Variants in EDIL3 observed in about 807,000 individuals in gnomAD.
The protein encoded by EDIL3 is EGF-like repeat and discoidin I-like domain-containing protein 3.
In EDIL3, 37 loss-of-function variants were observed where a neutral mutation model predicts 67.4. The ratio of observed to expected loss-of-function variants is 0.55; its 90% CI spans 0.42 to 0.72. The LOEUF (loss-of-function observed/expected upper bound fraction) is 0.72. Among genes scored for constraint, EDIL3 ranks in the 30% least tolerant of loss-of-function variants. The probability of loss-of-function intolerance (pLI) is 0.00; values close to 1 mark genes in which losing one functional copy is unlikely to be tolerated. For synonymous variants in EDIL3, 195 were observed against 196.3 expected (o/e 0.99, Z 0.05); for missense variants, 527 against 586.3 (o/e 0.90, Z 1.04).
intron 1 of EDIL3, among the ~76,000 whole-genome samples, chr5:84,353,747 T>C (rs1488762023): frequency 1.3e-5 from 2 of 152,210 alleles, no homozygotes; most frequent in Non-Finnish European, 2.9e-5. Context: ...AACAGTATTA[T>C]AGATGTTCAT....
chr5:84,116,283 A>G (rs892739514), intron 5 of EDIL3, among the ~76,000 whole-genome samples: 1 of 152,040 alleles, frequency 6.6e-6, no homozygotes, highest in Admixed American at 6.6e-5. Flanking sequence ...ATACTAGCAC[A>G]CTTCGAAAAG....
intron 9 of EDIL3, among the ~76,000 whole-genome samples, chr5:84,058,576 A>G (rs1746489375): frequency 6.6e-6 from 1 of 152,178 alleles, no homozygotes; most frequent in Non-Finnish European, 1.5e-5. Flanking sequence ...TACTTGCTAA[A>G]TCAGTTAATG....
At chr5:84,350,109 C>T (rs748356204) in intron 1 of EDIL3, among the ~76,000 whole-genome samples, 13 of 151,976 alleles carry the variant, frequency 8.6e-5, no homozygotes, top group Non-Finnish European at 1.8e-4. Context: ...GTTCTCTTAC[C>T]CACTGTAGTA....
chr5:84,361,525 C>A (rs1194760442), intron 1 of EDIL3, among the ~76,000 whole-genome samples: 2 of 151,788 alleles, frequency 1.3e-5, no homozygotes, highest in Non-Finnish European at 2.9e-5. Context: ...TAACTATTGC[C>A]CATTCTTTAA....
intron 2 of EDIL3, 89 bp from the exon 3 acceptor site, chr5:84,229,973 A>C: frequency 1.7e-6 from 2 of 1,209,416 alleles, no homozygotes; most frequent in Non-Finnish European, 2.4e-6. Context: ...AAAAAGAGAT[A>C]TTGAGATTGA....
At chr5:84,348,341 G>A (rs1747276068) in intron 1 of EDIL3, among the ~76,000 whole-genome samples, 1 of 152,062 alleles carries the variant, frequency 6.6e-6, no homozygotes, top group African/African-American at 2.4e-5. Flanking sequence ...TATGGGAGCT[G>A]GGCATTAGCC....
At chr5:83,967,011 G>A (rs1312894130) in intron 9 of EDIL3, among the ~76,000 whole-genome samples, 1 of 152,072 alleles carries the variant, frequency 6.6e-6, no homozygotes, top group African/African-American at 2.4e-5. Flanking sequence ...CCATTTATGA[G>A]TGAAATGGTT....
At chr5:83,949,228 A>G (rs1744364784) in intron 10 of EDIL3, among the ~76,000 whole-genome samples, 1 of 151,722 alleles carries the variant, frequency 6.6e-6, no homozygotes. Flanking sequence ...GAGCTACCAC[A>G]GTGTCTTCCA....
At chr5:84,193,200 G>C (rs1419385510) in intron 3 of EDIL3, among the ~76,000 whole-genome samples, 1 of 151,962 alleles carries the variant, frequency 6.6e-6, no homozygotes, top group Non-Finnish European at 1.5e-5. Context: ...ACTTTGAAAG[G>C]ATCTATTTTC....
chr5:84,083,429 G>C (rs1239389440), intron 6 of EDIL3, among the ~76,000 whole-genome samples: 1 of 152,084 alleles, frequency 6.6e-6, no homozygotes. Flanking sequence ...AAAATTTCCT[G>C]TCTTGACCCC....
intron 1 of EDIL3, among the ~76,000 whole-genome samples, chr5:84,270,292 G>A (rs1745441708): frequency 6.6e-6 from 1 of 152,242 alleles, no homozygotes; most frequent in East Asian, 1.9e-4. Context: ...ATCATGATGG[G>A]CCATGAATGT....
intron 10 of EDIL3, among the ~76,000 whole-genome samples, chr5:83,952,789 A>G (rs1744444198): frequency 6.6e-6 from 1 of 151,806 alleles, no homozygotes; most frequent in African/African-American, 2.4e-5. Flanking sequence ...CAGTAGAGAA[A>G]TTGGTGTATT....
chr5:84,339,822 T>C (rs931387317), intron 1 of EDIL3, among the ~76,000 whole-genome samples: 1 of 151,934 alleles, frequency 6.6e-6, no homozygotes, highest in Non-Finnish European at 1.5e-5. Context: ...AGAAAAGAAA[T>C]GAGGGGCAGG....
chr5:84,291,717 T>TATATATCTATATAGATCTATCTATATAG (rs1554040536), intron 1 of EDIL3, among the ~76,000 whole-genome samples: 378 of 126,766 alleles, frequency 3.0e-3, no homozygotes, highest in East Asian at 6.9e-3. Flanking sequence ...TAGATCTATC[T>TATATATCTATATAGATCTATCTATATAG]ATATATCTAT....
At chr5:84,291,158 C>CAATTA in intron 1 of EDIL3, among the ~76,000 whole-genome samples, 1 of 152,050 alleles carries the variant, frequency 6.6e-6, no homozygotes, top group Non-Finnish European at 1.5e-5. Flanking sequence ...TCAAATTGAA[C>CAATTA]CAAACTAAAG....
In EDIL3 at chr5:83,980,854, C is replaced by T. The variant is rs567885528; in HGVS notation, c.1138-17494G>A. ...TGGTTTTCTATATCCTAGTGATGAA[C>T]GATCTAAAAATGAAATTAAGAAAAC... is the stretch of plus-strand genomic sequence containing the variant. On this transcript the variant is annotated intron_variant, in intron 9 of 10. Coordinates refer to ENST00000296591, the MANE Select transcript of EDIL3 (RefSeq NM_005711.5). Among the ~76,000 whole-genome samples the T allele has an allele frequency of 1.6e-4, 24 of 151,288 alleles. 1 individual carries two copies. In the South Asian group the frequency reaches 1.9e-3, roughly 12 times the overall value.
chr5:84,310,331 T>G (rs1746359383), intron 1 of EDIL3, among the ~76,000 whole-genome samples: 1 of 152,142 alleles, frequency 6.6e-6, no homozygotes, highest in South Asian at 2.1e-4. Context: ...AATAAAAATA[T>G]TTTTACACGT....
chr5:84,009,075 G>C (rs762832267), intron 9 of EDIL3, among the ~76,000 whole-genome samples: 1 of 152,188 alleles, frequency 6.6e-6, no homozygotes, highest in African/African-American at 2.4e-5. Flanking sequence ...GCCTCCCAAA[G>C]TGCTGGGATT....
intron 4 of EDIL3, among the ~76,000 whole-genome samples, chr5:84,169,337 TA>T (rs1748768270): frequency 6.6e-6 from 1 of 152,084 alleles, no homozygotes. Flanking sequence ...AACTACAGTA[TA>T]AAAACAGAAC....
Sources: allele counts gnomAD v4.1 joint callset (sites outside exome capture counted in the v4.1 genomes callset), GRCh38; gene constraint gnomAD v4.1.1; transcripts MANE v1.5; gene names NCBI Gene and HGNC (gene_info 2026-07-23, HGNC 2026-07-21).